The following CLCA1 variants were observed in gnomAD, a reference collection of about 807,000 sequenced individuals.
The protein encoded by CLCA1 is calcium-activated chloride channel regulator 1.
Under a neutral mutation model 85.6 loss-of-function variants are expected in CLCA1, and 59 were observed. The ratio of observed to expected loss-of-function variants is 0.69; its 90% CI spans 0.56 to 0.86. The LOEUF is 0.86. CLCA1 is among the 40% of genes least tolerant of loss of function. The pLI is 0.00. For synonymous variants in CLCA1, 396 were observed against 398.3 expected, an observed-to-expected ratio of 0.99 and a Z score of 0.07; for missense variants, 1,022 against 1,101.4, an observed-to-expected ratio of 0.93 and a Z score of 1.02.
At position 86,497,835 on chromosome 1, in the gene CLCA1, C is replaced by A. The variant is rs192126214; in HGVS notation, c.2114-737C>A. Among the ~76,000 whole-genome samples the A allele has an allele frequency of 1.7e-4, 26 of 152,222 alleles. No individual in the cohort carries two copies. The South Asian group carries it at 3.3e-3, about 19-fold the overall frequency. ...GGAGGAATACATTTCTTGAGGCAGT[C>A]TGAGGTTTAAAACACTTAGTCTTTA... is the stretch of plus-strand genomic sequence containing the variant. On this transcript the variant is annotated intron_variant, in intron 12 of 13. Coordinates refer to ENST00000394711, the MANE Select transcript of CLCA1 (RefSeq NM_001285.4).
At position 86,500,222 on chromosome 1, in the gene CLCA1, G is replaced by C; in HGVS notation, c.*177G>C. ...ATACTAAATGTATTTTAGACTTCCT[G>C]TAGGGGGCGATAAAATAAAATGCTA... On this transcript the variant is annotated 3_prime_UTR_variant, in exon 14 of 14. Transcript: ENST00000394711. 1.9e-6 allele frequency: 1 copy of C among 517,846 alleles called. No homozygotes were observed. Among genetic ancestry groups the C allele is most frequent in the East Asian group, 2.9e-5 (1 of 33,994 alleles). The allele number at this position is 517,846 out of a possible 1,614,324, so 32.1% of individuals were successfully genotyped here. A position where few individuals can be genotyped will look rare whatever the true frequency, so the allele number is the denominator to read the frequency against.
At position 86,500,098 on chromosome 1, in the gene CLCA1, T is replaced by C; in HGVS notation, c.*53T>C. ...TAAATCATTCATCCTTTTTTTTGAT[T>C]ATAAAATTTTCTAAAATGTATTTTA... On this transcript the variant is annotated 3_prime_UTR_variant, in exon 14 of 14. Transcript: ENST00000394711. 7.7e-7 allele frequency: 1 copy of C among 1,298,382 alleles called. No homozygotes were observed. 80.4% of individuals were successfully genotyped at this position (1,298,382 alleles called of 1,614,324 possible).
chr1:86,498,963 T>A, intron 13 of CLCA1, 152 bp downstream of exon 13: 2 of 856,124 alleles, frequency 2.3e-6, no homozygotes, highest in Non-Finnish European at 3.4e-6. Flanking sequence ...TAAATGTATT[T>A]AAAGAAGAGA....
intron 8 of CLCA1, among the ~76,000 whole-genome samples, chr1:86,490,916 A>C (rs1372834096): frequency 8.3e-6 from 1 of 120,370 alleles, no homozygotes; most frequent in Admixed American, 8.6e-5. Context: ...AAAAAAAAAA[A>C]AAAAAATACA....
chr1:86,484,174 A>G (rs1337823665), intron 5 of CLCA1, among the ~76,000 whole-genome samples: 1 of 152,198 alleles, frequency 6.6e-6, no homozygotes, highest in Non-Finnish European at 1.5e-5. Flanking sequence ...GAGCCAAACC[A>G]TATCAGATGG....
chr1:86,488,999 A>G lies in CLCA1; in HGVS notation c.1186A>G (p.Ile396Val), dbSNP rs767441214. ...GTGCCCTAAATTCTGTCCTTAGGTGATTAGGAAGAAATATCCAACTGATGG... is the reference window on the plus strand; with the variant it reads ...GTGCCCTAAATTCTGTCCTTAGGTGGTTAGGAAGAAATATCCAACTGATGG... The part of the protein sequence containing the change: ...CSGLRSAFTV[I>V]RKKYPTDGSE... The change falls in exon 8 of 14, where the codon ATT becomes GTT. Residue 396 changes from isoleucine (I) to valine (V), a missense_variant. Ile to Val is a conservative substitution (Grantham distance 29). Transcript: ENST00000394711. 1 of 1,613,466 alleles carries G rather than the reference A, an allele frequency of 6.2e-7. No homozygotes were observed. Among genetic ancestry groups the G allele is most frequent in the African/African-American group, 1.3e-5 (1 of 74,908 alleles).
intron 4 of CLCA1, among the ~76,000 whole-genome samples, chr1:86,480,141 A>G (rs1647777967): frequency 6.6e-6 from 1 of 152,202 alleles, no homozygotes; most frequent in African/African-American, 2.4e-5. Context: ...AACTCTTTCA[A>G]TGCATTCAAT....
In CLCA1 at chr1:86,493,915, C is replaced by T. The variant is rs552946875; in HGVS notation, c.1681-272C>T. Among the ~76,000 whole-genome samples the T allele has an allele frequency of 5.4e-4, 82 of 152,278 alleles. 1 individual carries two copies. The highest frequency in any genetic ancestry group is 1.7e-3 in the African/African-American group (69 of 41,558). On this transcript the variant is annotated intron_variant, in intron 10 of 13. Coordinates refer to ENST00000394711, the MANE Select transcript of CLCA1 (RefSeq NM_001285.4). ...TTTCCTTTATCTCAGAGACTCATCT[C>T]TTATAAAACCAAGGCAACAATAAGC...
chr1:86,473,094 CTATAA>C (rs570627020), intron 1 of CLCA1, among the ~76,000 whole-genome samples: 34 of 152,278 alleles, frequency 2.2e-4, no homozygotes, highest in African/African-American at 7.0e-4. Flanking sequence ...CAGCCAGTCA[CTATAA>C]TATAATATTC....
rs201501974 is a variant in CLCA1 at position 86,474,564 on chromosome 1, AAAG to A, written c.451+689_451+691del. 1.7e-3 allele frequency among the ~76,000 whole-genome samples: 242 copies of A among 142,922 alleles called. 1 individual carries two copies. Among genetic ancestry groups the A allele is most frequent in the African/African-American group, 5.4e-3 (211 of 39,380 alleles). 93.8% of individuals were successfully genotyped at this position (142,922 alleles called of 152,430 possible). A position where few individuals can be genotyped will look rare whatever the true frequency, so the allele number is the denominator to read the frequency against. ...GCGAGACTCCGTATCAAAAAAAAAA[AAAG>A]GGGGGGGATTCTCATTCATTAGGTG... On this transcript the variant is annotated intron_variant, in intron 3 of 13. Coordinates refer to ENST00000394711, the MANE Select transcript of CLCA1 (RefSeq NM_001285.4).
chr1:86,494,420 T>A lies in CLCA1; in HGVS notation c.1914T>A (p.Val638=). 1 of 1,614,216 alleles carries A rather than the reference T, an allele frequency of 6.2e-7. No homozygotes were observed. Among genetic ancestry groups the A allele is most frequent in the Non-Finnish European group, 8.5e-7 (1 of 1,180,020 alleles). ...ALIESVNGKT[V]TLELLDNGAG... ...TTGAATCAGTGAATGGAAAAACAGT[T>A]ACCTTGGAACTACTGGATAATGGAG... The change falls in exon 11 of 14, where the codon GTT becomes GTA. Residue 638 remains valine (V), a synonymous_variant. Coordinates refer to ENST00000394711, the MANE Select transcript of CLCA1 (RefSeq NM_001285.4).
intron 7 of CLCA1, among the ~76,000 whole-genome samples, chr1:86,487,096 T>G (rs1192472050): frequency 1.3e-5 from 2 of 152,214 alleles, no homozygotes; most frequent in Admixed American, 6.5e-5. Flanking sequence ...ACAATGGGCT[T>G]GACCATTTCC....
rs762156544 is a variant in CLCA1, at chr1:86,473,774, C to T, written c.349C>T (p.Pro117Ser). The T allele has an allele frequency of 1.2e-6, 2 of 1,612,496 alleles. No homozygotes were observed. Among genetic ancestry groups the T allele is most frequent in the East Asian group, 4.5e-5 (2 of 44,880 alleles). ...AESTPPGNDE[P>S]YTEQMGNCGE... Reference sequence around the variant, plus strand: ...GTCTACTCCTCCAGGTAATGATGAACCCTACACTGAGCAGATGGGCAACTG... The same window carrying T: ...GTCTACTCCTCCAGGTAATGATGAATCCTACACTGAGCAGATGGGCAACTG... Residue 117 changes from proline to serine, a missense_variant, in exon 3 of 14, where the codon CCC becomes TCC. Coordinates refer to ENST00000394711, the MANE Select transcript of CLCA1 (RefSeq NM_001285.4).
Position 86,476,475 on chromosome 1 carries a change from A to G in CLCA1, c.479A>G (p.His160Arg). The change falls in exon 4 of 14, where the codon CAT (histidine) becomes CGT (arginine). Residue 160 changes from histidine (H) to arginine (R), a missense_variant. His to Arg is a conservative substitution (Grantham distance 29, BLOSUM62 0). Transcript: ENST00000394711. ...AGGGCATTTGTCCATGAGTGGGCTCATCTACGATGGGGAGTATTTGACGAG... is the reference window on the plus strand; with the variant it reads ...AGGGCATTTGTCCATGAGTGGGCTCGTCTACGATGGGGAGTATTTGACGAG... ...QGRAFVHEWA[H>R]LRWGVFDEYN... 6.2e-7 allele frequency: 1 copy of G among 1,603,928 alleles called. No individual in the cohort carries two copies. The highest frequency in any genetic ancestry group is 1.1e-5 in the South Asian group (1 of 90,760).
At chr1:86,480,581 CA>C (rs1382469287) in intron 4 of CLCA1, among the ~76,000 whole-genome samples, 1 of 152,108 alleles carries the variant, frequency 6.6e-6, no homozygotes, top group African/African-American at 2.4e-5. Flanking sequence ...GAGCCATGAT[CA>C]CACCACTGCA....
chr1:86,480,263 AT>A (rs1270004327), intron 4 of CLCA1, among the ~76,000 whole-genome samples: 1 of 152,308 alleles, frequency 6.6e-6, no homozygotes, highest in East Asian at 1.9e-4. Context: ...AGAAAAAGAT[AT>A]TTGCAAAAAC....
chr1:86,494,329 T>C lies in CLCA1; in HGVS notation c.1823T>C (p.Leu608Pro). ...NKDTSKFPSP[L>P]VVYANIRQGA... ...GACACCAGCAAATTCCCCAGCCCTC[T>C]GGTAGTTTATGCAAATATTCGCCAA... The change falls in exon 11 of 14, where the codon CTG (leucine) becomes CCG (proline). Residue 608 changes from leucine (L) to proline (P), a missense_variant. Leu to Pro is a moderately conservative substitution (Grantham distance 98). Coordinates refer to ENST00000394711, the MANE Select transcript of CLCA1 (RefSeq NM_001285.4). The C allele has an allele frequency of 6.2e-7, 1 of 1,614,184 alleles. No individual in the cohort carries two copies. The highest frequency in any genetic ancestry group is 8.5e-7 in the Non-Finnish European group (1 of 1,180,028).
Position 86,495,645 on chromosome 1 carries a change from G to C in CLCA1, c.2083G>C (p.Ala695Pro), listed in dbSNP as rs746424447. ...RRRVIPQQSG[A>P]LYIPGWIEND... ...GAGAGTGATACCCCAGCAGAGTGGA[G>C]CACTGTACATACCTGGCTGGATTGA... is the stretch of plus-strand genomic sequence containing the variant. The change falls in exon 12 of 14, where the codon GCA becomes CCA. Residue 695 changes from alanine to proline, a missense_variant. Ala to Pro is a conservative substitution (Grantham distance 27). Coordinates refer to ENST00000394711, the MANE Select transcript of CLCA1 (RefSeq NM_001285.4). 15 of 1,613,980 alleles carry C rather than the reference G, an allele frequency of 9.3e-6. No individual in the cohort carries two copies. The Admixed American group carries it at 1.2e-4, about 13-fold the overall frequency.
chr1:86,481,351 C>G (rs950072766), intron 4 of CLCA1, among the ~76,000 whole-genome samples: 3 of 152,078 alleles, frequency 2.0e-5, no homozygotes, highest in African/African-American at 7.2e-5. Flanking sequence ...GTTGCCCAGG[C>G]TGGTCTCAAA....
Sources: gnomAD v4.1 joint callset for allele counts (sites outside exome capture counted in the v4.1 genomes callset) on GRCh38, gnomAD v4.1.1 for gene constraint, MANE v1.5 for transcripts, NCBI Gene and HGNC (gene_info 2026-07-23, HGNC 2026-07-21) for gene names.